The following NIPBL variants were observed in gnomAD, a reference collection of about 807,000 sequenced individuals.
NIPBL encodes the protein nipped-B-like protein.
In NIPBL, 19 loss-of-function variants were observed where a neutral mutation model predicts 321.8. The observed-to-expected ratio is 0.06, with a 90% CI of 0.04 to 0.09. The LOEUF (loss-of-function observed/expected upper bound fraction) is 0.09. Ranked by LOEUF, NIPBL falls within the 10% of genes least tolerant of loss-of-function variation. The probability of loss-of-function intolerance (pLI) is 1.00; values close to 1 mark genes in which losing one functional copy is unlikely to be tolerated. For missense variants in NIPBL, 2,210 were observed against 3,327.0 expected, an observed-to-expected ratio of 0.66 and a Z score of 8.26; for synonymous variants, 1,106 against 1,114.1, an observed-to-expected ratio of 0.99 and a Z score of 0.14.
Position 37,058,934 on chromosome 5 carries a change from G to C in NIPBL, c.7454G>C (p.Ser2485Thr), listed in dbSNP as rs377715840. ...AGGAAAGAGAGAAAATCATCACCTAGTAAGGAAAATGAGTCAAGCGACAGT... is the reference window on the plus strand; with the variant it reads ...AGGAAAGAGAGAAAATCATCACCTACTAAGGAAAATGAGTCAAGCGACAGT... ...DKRKERKSSP[S>T]KENESSDSEE... The change falls in exon 44 of 47, where the codon AGT becomes ACT. Residue 2485 changes from serine (S) to threonine (T), a missense_variant. Physicochemically the swap from Ser to Thr is moderately conservative, Grantham distance 58 (BLOSUM62 1). Coordinates refer to ENST00000282516, the MANE Select transcript of NIPBL (RefSeq NM_133433.4). 4 of 1,613,920 alleles carry C rather than the reference G, an allele frequency of 2.5e-6. No individual in the cohort carries two copies. In the African/African-American group the frequency reaches 4.0e-5, roughly 16 times the overall value.
rs1164612335 is a variant in NIPBL, at chr5:36,975,932, C to T, written c.1025C>T (p.Ala342Val). Residue 342 changes from alanine (A) to valine (V), a missense_variant, in exon 9 of 47, where the codon GCG becomes GTG. Around this residue, in one of 14 missense-constraint regions of NIPBL, gnomAD observed 464 missense variants for 529.5 expected, o/e 0.88. Coordinates refer to ENST00000282516, the MANE Select transcript of NIPBL (RefSeq NM_133433.4). The part of the protein sequence containing the change: ...GKDEKEQSEK[A>V]AMYDIISSPS... ...GATGAAAAAGAGCAGAGTGAGAAAG[C>T]GGCAATGTATGATATAATTAGTTCT... The T allele has an allele frequency of 1.3e-5, 21 of 1,613,518 alleles. No individual in the cohort carries two copies. Among genetic ancestry groups the T allele is most frequent in the Non-Finnish European group, 1.7e-5 (20 of 1,179,686 alleles).
chr5:36,974,172 T>A (rs1464655423), intron 8 of NIPBL, among the ~76,000 whole-genome samples: 2 of 152,150 alleles, frequency 1.3e-5, no homozygotes, highest in East Asian at 1.9e-4. Context: ...GATAACTAGC[T>A]TTTTTTCTTC....
At chr5:36,886,836 T>G (rs979812089) in intron 1 of NIPBL, among the ~76,000 whole-genome samples, 1 of 151,874 alleles carries the variant, frequency 6.6e-6, no homozygotes, top group African/African-American at 2.4e-5. Context: ...AGTTTTTCCT[T>G]TTCTAGAACA....
At chr5:37,055,219 C>T (rs866445540) in intron 42 of NIPBL, among the ~76,000 whole-genome samples, 11 of 151,942 alleles carry the variant, frequency 7.2e-5, no homozygotes, top group Admixed American at 1.3e-4. Context: ...GGCATGATGG[C>T]GCGCACCTGT....
At chr5:36,919,445 C>T (rs1254008649) in intron 1 of NIPBL, among the ~76,000 whole-genome samples, 1 of 151,922 alleles carries the variant, frequency 6.6e-6, no homozygotes, top group Non-Finnish European at 1.5e-5. Flanking sequence ...GTGATCCTTC[C>T]ACCTCATCCT....
At chr5:37,033,647 A>C (rs1751323780) in intron 32 of NIPBL, among the ~76,000 whole-genome samples, 1 of 147,160 alleles carries the variant, frequency 6.8e-6, no homozygotes, top group South Asian at 2.1e-4. Flanking sequence ...ATATAGGAGA[A>C]AAAAATTTTT....
intron 25 of NIPBL, among the ~76,000 whole-genome samples, chr5:37,020,255 G>A (rs1561168843): frequency 1.3e-5 from 2 of 152,000 alleles, no homozygotes; most frequent in African/African-American, 4.8e-5. Flanking sequence ...TATAAGTATT[G>A]GAACATAGTA....
intron 22 of NIPBL, 101 bp from the exon 23 acceptor site, chr5:37,015,936 GA>G (rs1221966548): frequency 1.7e-6 from 2 of 1,178,070 alleles, no homozygotes; most frequent in African/African-American, 3.1e-5. Flanking sequence ...ACTAAACATA[GA>G]AAAAAGAAAA....
At chr5:37,007,227 A>AT in intron 17 of NIPBL, 96 bp from the exon 18 acceptor site, 1 of 1,042,862 alleles carries the variant, frequency 9.6e-7, no homozygotes, top group South Asian at 1.4e-5. Flanking sequence ...TAGCTAGAAA[A>AT]TTGTGTTCTC....
intron 6 of NIPBL, among the ~76,000 whole-genome samples, chr5:36,970,431 A>AT (rs57986204): frequency 9.4e-5 from 14 of 148,164 alleles, no homozygotes; most frequent in African/African-American, 3.5e-4. Flanking sequence ...ATATATATAT[A>AT]AAATCTCAGT....
chr5:37,026,348 G>GGT (rs778637860), intron 31 of NIPBL, 21 bp downstream of exon 31: 1 of 1,428,536 alleles, frequency 7.0e-7, no homozygotes, highest in Non-Finnish European at 9.9e-7. Context: ...CTGGAACAAG[G>GGT]GTGTGGTCAC....
intron 33 of NIPBL, among the ~76,000 whole-genome samples, 189 bp downstream of exon 33, chr5:37,036,676 A>G (rs1449690197): frequency 6.6e-6 from 1 of 150,616 alleles, no homozygotes; most frequent in African/African-American, 2.4e-5. Context: ...AAGATTGACT[A>G]AGATTATCTA....
chr5:36,919,207 C>T (rs1748722851), intron 1 of NIPBL, among the ~76,000 whole-genome samples: 1 of 151,842 alleles, frequency 6.6e-6, no homozygotes, highest in Non-Finnish European at 1.5e-5. Flanking sequence ...AAATTATTCC[C>T]CCAAAAAATT....
chr5:37,009,369 GC>G (rs1338136950), intron 20 of NIPBL, among the ~76,000 whole-genome samples: 1 of 152,122 alleles, frequency 6.6e-6, no homozygotes, highest in Non-Finnish European at 1.5e-5. Context: ...TATTGTCTTT[GC>G]CATCATAGAT....
intron 1 of NIPBL, among the ~76,000 whole-genome samples, chr5:36,906,589 G>A (rs941336738): frequency 9.2e-5 from 14 of 152,106 alleles, no homozygotes; most frequent in Non-Finnish European, 1.6e-4. Context: ...CTTGCAAAAC[G>A]AAGTGAAGTG....
chr5:36,995,590 A>G (rs767968717), intron 10 of NIPBL, 32 bp from the exon 11 acceptor site: 3 of 1,426,228 alleles, frequency 2.1e-6, no homozygotes, highest in Middle Eastern at 1.8e-4. Context: ...TCAGATTTAC[A>G]TTTTTTTTTT....
chr5:36,955,551 A>G lies in NIPBL; in HGVS notation c.144A>G (p.Glu48=). ...KSLLFNARIA[E]EVNCLLACRD... ...TTCTCTTTAATGCACGAATAGCAGA[A>G]GAGGTGAACTGCCTTTTGGCTTGTA... Residue 48 remains glutamate, a synonymous_variant, in exon 3 of 47, where the codon GAA becomes GAG. Transcript: ENST00000282516. 1 of 1,613,952 alleles carries G rather than the reference A, an allele frequency of 6.2e-7. No homozygotes were observed. The highest frequency in any genetic ancestry group is 8.5e-7 in the Non-Finnish European group (1 of 1,179,848).
chr5:36,992,684 A>T (rs892759816), intron 10 of NIPBL, among the ~76,000 whole-genome samples: 8 of 151,840 alleles, frequency 5.3e-5, no homozygotes, highest in African/African-American at 1.7e-4. Flanking sequence ...TGAAGATCTC[A>T]GGCCTGAATA....
intron 9 of NIPBL, among the ~76,000 whole-genome samples, chr5:36,979,560 A>G (rs1030051596): frequency 6.6e-6 from 1 of 151,730 alleles, no homozygotes; most frequent in South Asian, 2.1e-4. Flanking sequence ...CTCTTTTCCT[A>G]TTTGGATGCC....
Sources: allele counts gnomAD v4.1 joint callset (sites outside exome capture counted in the v4.1 genomes callset), GRCh38; gene constraint gnomAD v4.1.1; regional missense constraint gnomAD v4.1.1; transcripts MANE v1.5; gene names NCBI Gene and HGNC (gene_info 2026-07-23, HGNC 2026-07-21).